GRIN2A: variants seen among roughly 807,000 people sequenced by gnomAD.
GRIN2A encodes the protein glutamate receptor ionotropic, NMDA 2A.
Under a neutral mutation model 113.4 loss-of-function variants are expected in GRIN2A, and 22 were observed. That is an observed-to-expected ratio of 0.19 (90% CI 0.14 to 0.28). GRIN2A has a LOEUF of 0.28. GRIN2A is among the 10% of genes least tolerant of loss of function. The probability of loss-of-function intolerance (pLI) is 1.00; values close to 1 mark genes in which losing one functional copy is unlikely to be tolerated. For synonymous variants in GRIN2A, 827 were observed against 738.4 expected, an observed-to-expected ratio of 1.12 and a Z score of -1.94; for missense variants, 1,502 against 1,887.0, an observed-to-expected ratio of 0.80 and a Z score of 3.78.
rs532257666 is a variant in GRIN2A at position 9,914,632 on chromosome 16, A to G, written c.1007+23327T>C. Among the ~76,000 whole-genome samples the G allele has an allele frequency of 3.9e-5, 6 of 152,352 alleles. No homozygotes were observed. The East Asian group carries it at 1.2e-3, about 29-fold the overall frequency. ...GAAGTTAGGCTTATTGAAGATGGAA[A>G]GATGGTCCCAGAGAGAACAAAGTGG... is the stretch of plus-strand genomic sequence containing the variant. On this transcript the variant is annotated intron_variant, in intron 3 of 12. Transcript: ENST00000330684.
chr16:9,952,907 G>C (rs113672470), intron 2 of GRIN2A, among the ~76,000 whole-genome samples: 9 of 152,302 alleles, frequency 5.9e-5, no homozygotes, highest in African/African-American at 1.7e-4. Context: ...AGGATGGAGA[G>C]ACACAGACAG....
intron 2 of GRIN2A, among the ~76,000 whole-genome samples, chr16:10,103,865 T>C (rs1456505542): frequency 2.0e-5 from 3 of 152,212 alleles, no homozygotes; most frequent in Admixed American, 2.0e-4. Flanking sequence ...CTTCAAATAA[T>C]TGGGTATAGC....
At chr16:9,865,315 CA>C (rs2043144154) in intron 4 of GRIN2A, among the ~76,000 whole-genome samples, 1 of 152,162 alleles carries the variant, frequency 6.6e-6, no homozygotes, top group South Asian at 2.1e-4. Context: ...CAATTTCACC[CA>C]AACCAATTAT....
At chr16:9,951,887 G>T (rs2045192824) in intron 2 of GRIN2A, among the ~76,000 whole-genome samples, 1 of 152,096 alleles carries the variant, frequency 6.6e-6, no homozygotes, top group African/African-American at 2.4e-5. Flanking sequence ...TTCAACCTCA[G>T]GTAAGTTTGT....
rs566760109 is a variant in GRIN2A at position 9,992,342 on chromosome 16, T to C, written c.415-53791A>G. 2.6e-5 allele frequency among the ~76,000 whole-genome samples: 4 copies of C among 152,300 alleles called. No individual in the cohort carries two copies. In the South Asian group the frequency reaches 8.3e-4, roughly 32 times the overall value. Reference sequence around the variant, plus strand: ...TTTATAAGTCTATTGTCTCTCAAGCTGATGTTCCCATGTGAAGATGGAACA... The same window carrying C: ...TTTATAAGTCTATTGTCTCTCAAGCCGATGTTCCCATGTGAAGATGGAACA... On this transcript the variant is annotated intron_variant, in intron 2 of 12. Transcript: ENST00000330684.
chr16:9,753,451 T>G lies in GRIN2A; in HGVS notation c.*9698A>C. On this transcript the variant is annotated 3_prime_UTR_variant, in exon 13 of 13. Coordinates refer to ENST00000330684, the MANE Select transcript of GRIN2A (RefSeq NM_001134407.3). ...GCAGAAATTATCTTTATTAGAAAAA[T>G]GAAATTTTCCTGTATTTACATTTTT... 5.1e-6 allele frequency: 1 copy of G among 197,354 alleles called. No individual in the cohort carries two copies. Among genetic ancestry groups the G allele is most frequent in the South Asian group, 1.9e-4 (1 of 5,210 alleles). 12.2% of individuals were successfully genotyped at this position (197,354 alleles called of 1,614,324 possible).
intron 3 of GRIN2A, among the ~76,000 whole-genome samples, chr16:9,908,943 G>C (rs2044080535): frequency 6.6e-6 from 1 of 152,198 alleles, no homozygotes; most frequent in Non-Finnish European, 1.5e-5. Context: ...CAAGTGGTGG[G>C]AATTAAAGAT....
chr16:10,002,923 G>A (rs542906760), intron 2 of GRIN2A, among the ~76,000 whole-genome samples: 12 of 152,292 alleles, frequency 7.9e-5, no homozygotes, highest in Admixed American at 3.3e-4. Flanking sequence ...TTTCCTACTG[G>A]AAACCATAAG....
At chr16:9,915,243 C>G (rs1411619812) in intron 3 of GRIN2A, among the ~76,000 whole-genome samples, 1 of 151,786 alleles carries the variant, frequency 6.6e-6, no homozygotes, top group African/African-American at 2.4e-5. Context: ...GCCAACTATA[C>G]AGAATTCTTA....
chr16:10,033,202 C>G (rs1250523123), intron 2 of GRIN2A, among the ~76,000 whole-genome samples: 3 of 152,232 alleles, frequency 2.0e-5, no homozygotes, highest in Non-Finnish European at 4.4e-5. Flanking sequence ...ACATGGAACT[C>G]TGCAGTGAGC....
chr16:9,859,992 T>G (rs1342458196), intron 4 of GRIN2A, among the ~76,000 whole-genome samples: 1 of 151,828 alleles, frequency 6.6e-6, no homozygotes, highest in African/African-American at 2.4e-5. Flanking sequence ...CAGAGAGGTC[T>G]ATCCTATCCC....
At chr16:10,022,166 T>C (rs1051643573) in intron 2 of GRIN2A, among the ~76,000 whole-genome samples, 1 of 151,546 alleles carries the variant, frequency 6.6e-6, no homozygotes, top group South Asian at 2.1e-4. Context: ...ATCCAACATA[T>C]AGCAGGTGCT....
chr16:9,843,621 C>G (rs2042721154), intron 5 of GRIN2A, among the ~76,000 whole-genome samples: 1 of 152,230 alleles, frequency 6.6e-6, no homozygotes, highest in Non-Finnish European at 1.5e-5. Flanking sequence ...ATCCCACCCC[C>G]ACATCCTGTC....
At chr16:9,770,660 C>T (rs746042158) in intron 11 of GRIN2A, among the ~76,000 whole-genome samples, 1 of 152,066 alleles carries the variant, frequency 6.6e-6, no homozygotes, top group African/African-American at 2.4e-5. Context: ...TTTATTGGTT[C>T]GGCTCTGGAC....
At chr16:9,942,067 G>A (rs946786636) in intron 2 of GRIN2A, among the ~76,000 whole-genome samples, 3 of 152,152 alleles carry the variant, frequency 2.0e-5, no homozygotes, top group Non-Finnish European at 4.4e-5. Context: ...TGCCCATCAA[G>A]TATGAAGTAT....
chr16:10,051,546 G>C (rs1175891142), intron 2 of GRIN2A, among the ~76,000 whole-genome samples: 1 of 152,212 alleles, frequency 6.6e-6, no homozygotes, highest in Non-Finnish European at 1.5e-5. Flanking sequence ...AGTGCTCCAA[G>C]TATACAAAGC....
chr16:10,065,517 CT>C (rs1377089646), intron 2 of GRIN2A, among the ~76,000 whole-genome samples: 1 of 152,228 alleles, frequency 6.6e-6, no homozygotes, highest in East Asian at 1.9e-4. Flanking sequence ...GTTTAAATCT[CT>C]GTCATTTGCT....
chr16:10,134,585 C>T (rs1272492217), intron 2 of GRIN2A, among the ~76,000 whole-genome samples: 2 of 151,942 alleles, frequency 1.3e-5, no homozygotes, highest in Non-Finnish European at 2.9e-5. Context: ...ATGTAACAAA[C>T]CTGCACATTG....
chr16:10,114,633 A>G (rs1294401272), intron 2 of GRIN2A, among the ~76,000 whole-genome samples: 2 of 152,244 alleles, frequency 1.3e-5, no homozygotes, highest in East Asian at 1.9e-4. Context: ...CTCAACCAAA[A>G]TAAGAGTGAC....
Sources: allele counts gnomAD v4.1 joint callset (sites outside exome capture counted in the v4.1 genomes callset), GRCh38; gene constraint gnomAD v4.1.1; transcripts MANE v1.5; gene names NCBI Gene and HGNC (gene_info 2026-07-23, HGNC 2026-07-21).